STAG1: variants seen among roughly 807,000 people sequenced by gnomAD.
The protein encoded by STAG1 is cohesin subunit SA-1.
STAG1 carries 26 observed loss-of-function variants against 170.9 expected under a neutral mutation model. That is an observed-to-expected ratio of 0.15 (90% CI 0.11 to 0.21). The LOEUF is 0.21. STAG1 is among the 10% of genes least tolerant of loss of function. STAG1 has a pLI of 1.00. For synonymous variants in STAG1, 514 were observed against 497.7 expected (o/e 1.03, Z -0.44); for missense variants, 964 against 1,509.5 (o/e 0.64, Z 5.99).
chr3:136,466,372 C>T (rs1301171721), intron 12 of STAG1, among the ~76,000 whole-genome samples: 1 of 152,012 alleles, frequency 6.6e-6, no homozygotes, highest in African/African-American at 2.4e-5. Context: ...GCTTCAGTAG[C>T]CAATTCGATC....
rs528573911 is a variant in STAG1, at chr3:136,469,292, G to C, written c.1205+3121C>G. Among the ~76,000 whole-genome samples, 981 of 152,230 alleles carry C rather than the reference G, an allele frequency of 6.4e-3. 12 individuals are homozygous for C. Among genetic ancestry groups the C allele is most frequent in the African/African-American group, 0.022 (932 of 41,514 alleles). The stretch of plus-strand genomic sequence containing the variant: ...ATAAGCAACTTCAGCAAAGTCTCAG[G>C]ATACAAAATCAATGTACAAAAATCA... On this transcript the variant is annotated intron_variant, in intron 12 of 33. Transcript: ENST00000383202.
intron 1 of STAG1, among the ~76,000 whole-genome samples, chr3:136,714,978 T>A (rs1461867695): frequency 1.4e-4 from 15 of 108,616 alleles, no homozygotes; most frequent in East Asian, 2.2e-4. Context: ...ATATATATAT[T>A]TTTATATATA....
intron 5 of STAG1, among the ~76,000 whole-genome samples, chr3:136,545,774 T>C (rs1259454789): frequency 6.6e-6 from 1 of 152,202 alleles, no homozygotes; most frequent in Non-Finnish European, 1.5e-5. Context: ...ATAAATTTTT[T>C]AGAATGCCTT....
intron 5 of STAG1, among the ~76,000 whole-genome samples, chr3:136,550,596 T>C (rs6439645): frequency 1 from 152,247 of 152,308 alleles, 76,093 homozygotes; most frequent in Non-Finnish European, 1. Context: ...CATGAGCCAC[T>C]GTGCCTGGCC....
At chr3:136,520,968 G>A (rs981245088) in intron 7 of STAG1, among the ~76,000 whole-genome samples, 4 of 152,142 alleles carry the variant, frequency 2.6e-5, no homozygotes, top group South Asian at 2.1e-4. Flanking sequence ...TATAAATAAG[G>A]ATGTACATTA....
chr3:136,656,587 T>C (rs1313236924), intron 1 of STAG1, among the ~76,000 whole-genome samples: 2 of 138,756 alleles, frequency 1.4e-5, no homozygotes, highest in South Asian at 2.2e-4. Flanking sequence ...TAAGAACACA[T>C]ACAAATAAAC....
At chr3:136,630,385 G>C (rs1468411947) in intron 2 of STAG1, among the ~76,000 whole-genome samples, 1 of 151,914 alleles carries the variant, frequency 6.6e-6, no homozygotes, top group African/African-American at 2.4e-5. Context: ...TGAGCAGGGA[G>C]GGGGGGTAGA....
At chr3:136,591,505 G>C (rs1443379754) in intron 4 of STAG1, 1 of 407,508 alleles carries the variant, frequency 2.5e-6, no homozygotes, top group African/African-American at 2.1e-5. Flanking sequence ...CCAGAAGTTC[G>C]AGGTCAGCCT....
intron 2 of STAG1, among the ~76,000 whole-genome samples, chr3:136,625,830 G>A (rs1170396950): frequency 6.6e-6 from 1 of 152,140 alleles, no homozygotes; most frequent in Non-Finnish European, 1.5e-5. Context: ...TTACCCACTT[G>A]TAAATCTTCA....
In STAG1 at chr3:136,691,984, T is replaced by C. The variant is rs1942739997; in HGVS notation, c.-84+60211A>G. Among the ~76,000 whole-genome samples the C allele has an allele frequency of 3.3e-5, 5 of 152,294 alleles. No individual in the cohort carries two copies. In the South Asian group the frequency reaches 1.0e-3, roughly 32 times the overall value. On this transcript the variant is annotated intron_variant, in intron 1 of 33. Transcript: ENST00000383202. ...CCCAGTGAAGCAAATAGTTACTCAC[T>C]GGTTTGAACAACAAGGATAATGAAG...
intron 1 of STAG1, among the ~76,000 whole-genome samples, chr3:136,674,263 AAT>A (rs1942070605): frequency 6.6e-6 from 1 of 152,130 alleles, no homozygotes; most frequent in Non-Finnish European, 1.5e-5. Flanking sequence ...CCAAAAAGTG[AAT>A]GAATAAAACA....
intron 1 of STAG1, among the ~76,000 whole-genome samples, chr3:136,672,232 A>C (rs1941999365): frequency 6.6e-6 from 1 of 152,380 alleles, no homozygotes; most frequent in South Asian, 2.1e-4. Flanking sequence ...GGCCTACAAA[A>C]TGAAAATTAC....
intron 4 of STAG1, among the ~76,000 whole-genome samples, chr3:136,595,756 C>G (rs1175616525): frequency 6.6e-6 from 1 of 150,402 alleles, no homozygotes. Flanking sequence ...CCTAATGGAT[C>G]AGTGTTTAAA....
intron 32 of STAG1, among the ~76,000 whole-genome samples, chr3:136,339,712 C>T (rs1011115402): frequency 3.9e-5 from 6 of 152,116 alleles, no homozygotes; most frequent in Admixed American, 6.5e-5. Flanking sequence ...GTAATTCTGC[C>T]TATAACTACT....
chr3:136,511,321 A>G (rs1424952932), intron 7 of STAG1, among the ~76,000 whole-genome samples: 2 of 152,218 alleles, frequency 1.3e-5, no homozygotes, highest in Non-Finnish European at 2.9e-5. Context: ...AATATAAATC[A>G]TTCTATCATA....
chr3:136,358,449 GA>G (rs934155028), intron 27 of STAG1, among the ~76,000 whole-genome samples: 1 of 152,108 alleles, frequency 6.6e-6, no homozygotes, highest in African/African-American at 2.4e-5. Flanking sequence ...TACATTGCCA[GA>G]ATATTTGCTT....
intron 6 of STAG1, among the ~76,000 whole-genome samples, chr3:136,533,655 A>C (rs941223044): frequency 4.6e-5 from 7 of 152,180 alleles, no homozygotes; most frequent in Admixed American, 2.0e-4. Context: ...TTCACTTGTT[A>C]CTGCAAGGAG....
intron 2 of STAG1, among the ~76,000 whole-genome samples, chr3:136,624,882 T>C (rs1940028906): frequency 6.6e-6 from 1 of 152,200 alleles, no homozygotes; most frequent in Non-Finnish European, 1.5e-5. Context: ...CAGGTTTAAA[T>C]AACAACTTCA....
intron 1 of STAG1, among the ~76,000 whole-genome samples, chr3:136,668,807 G>A (rs947172278): frequency 1.6e-4 from 24 of 152,182 alleles, no homozygotes; most frequent in African/African-American, 5.8e-4. Context: ...TCTGCAGCTG[G>A]AAGCTATCAG....
Sources: allele counts gnomAD v4.1 joint callset (sites outside exome capture counted in the v4.1 genomes callset), GRCh38; gene constraint gnomAD v4.1.1; transcripts MANE v1.5; gene names NCBI Gene and HGNC (gene_info 2026-07-23, HGNC 2026-07-21).